Variants in NEK6 observed in about 807,000 individuals in gnomAD.
NEK6 encodes serine/threonine-protein kinase Nek6.
Under a neutral mutation model 43.5 loss-of-function variants are expected in NEK6, and 27 were observed. The observed-to-expected ratio is 0.62, with a 90% confidence interval of 0.46 to 0.86. The LOEUF is 0.86. Ranked by LOEUF, NEK6 falls within the 40% of genes least tolerant of loss-of-function variation. The pLI, the probability that NEK6 is intolerant of heterozygous loss-of-function variation, is 0.00. For synonymous variants in NEK6, 167 were observed against 164.1 expected (o/e 1.02, Z -0.14); for missense variants, 318 against 414.4 (o/e 0.77, Z 2.02).
intron 1 of NEK6, among the ~76,000 whole-genome samples, chr9:124,271,674 C>G (rs937169173): frequency 1.3e-5 from 2 of 152,234 alleles, no homozygotes; most frequent in Non-Finnish European, 2.9e-5. Context: ...TCTTTGCACA[C>G]GAATCCCAGG....
intron 1 of NEK6, among the ~76,000 whole-genome samples, chr9:124,285,924 G>A (rs536548764): frequency 2.8e-4 from 43 of 152,346 alleles, no homozygotes; most frequent in African/African-American, 9.9e-4. Flanking sequence ...CATCACTCAA[G>A]TGCATAGAAC....
chr9:124,308,670 A>C (rs1240092269), intron 2 of NEK6, among the ~76,000 whole-genome samples: 1 of 152,094 alleles, frequency 6.6e-6, no homozygotes, highest in African/African-American at 2.4e-5. Flanking sequence ...AAAAAAAAAA[A>C]AAAAACCAGT....
rs568074849 is a variant in NEK6, at chr9:124,347,857, C to CAGGAGGCCACCG, written c.831+39_831+50dup. ...CAGGAGCCGGAGGCCTCGCCAGCCC[C>CAGGAGGCCACCG]AGGAGGCCACCGAGGCTTATGAGGG... On this transcript the variant is annotated intron_variant, in intron 9 of 9. Coordinates refer to ENST00000320246, the MANE Select transcript of NEK6 (RefSeq NM_014397.6). 3.8e-4 allele frequency: 523 copies of CAGGAGGCCACCG among 1,386,926 alleles called. 6 individuals carry two copies. Among genetic ancestry groups the CAGGAGGCCACCG allele is most frequent in the South Asian group, 3.0e-3 (260 of 85,280 alleles). The allele number at this position is 1,386,926 out of a possible 1,614,324, so 85.9% of individuals were successfully genotyped here.
rs1830235370 is a variant in NEK6 at position 124,350,869 on chromosome 9, T to C, written c.864T>C (p.Pro288=). The change falls in exon 10 of 10, where the codon CCT becomes CCC. Residue 288 remains proline, a synonymous_variant. Transcript: ENST00000320246. ...AACTGGTCAGCATGTGCATCTGCCC[T>C]GACCCCCACCAGAGACCTGACATCG... is the stretch of plus-strand genomic sequence containing the variant. ...LRELVSMCIC[P]DPHQRPDIGY... is the part of the protein sequence containing the mutation. The C allele has an allele frequency of 6.2e-7, 1 of 1,612,822 alleles. No individual in the cohort carries two copies. The highest frequency in any genetic ancestry group is 1.3e-5 in the African/African-American group (1 of 74,946).
intron 1 of NEK6, among the ~76,000 whole-genome samples, chr9:124,259,951 G>T (rs776166378): frequency 6.6e-6 from 1 of 152,188 alleles, no homozygotes; most frequent in African/African-American, 2.4e-5. Flanking sequence ...TTGAACAAGG[G>T]CAGAGGAGGG....
At chr9:124,298,463 C>G (rs1047856455) in intron 1 of NEK6, among the ~76,000 whole-genome samples, 11 of 152,110 alleles carry the variant, frequency 7.2e-5, no homozygotes, top group African/African-American at 2.7e-4. Context: ...CATCAGCTTG[C>G]TGTGGTCAGT....
rs192871901 is a variant in NEK6, at chr9:124,324,381, C to A, written c.406-1949C>A. On this transcript the variant is annotated intron_variant, in intron 5 of 9. Transcript: ENST00000320246. This position sits in a 1 kb window ranked among gnomAD's most constrained non-coding sequence, Gnocchi z 5.3. ...GGATTGTGTCCCGAGAGCCTGCAGC[C>A]TCAAGGGCTGAGCTGCGCCATCACA... 2.4e-3 allele frequency among the ~76,000 whole-genome samples: 367 copies of A among 152,350 alleles called. 1 individual carries two copies. The highest frequency in any genetic ancestry group is 8.8e-3 in the African/African-American group (365 of 41,582).
In NEK6 at chr9:124,312,497, C is replaced by G. The variant is rs769601929; in HGVS notation, c.91-12C>G. ...CTGGCTGCTCACGGAGGCCCTCTGT[C>G]CCCCGTTCCAGAGGCATCCCAACAC... On this transcript the variant is annotated splice_polypyrimidine_tract_variant and intron_variant, in intron 2 of 9. Transcript: ENST00000320246. The G allele has an allele frequency of 5.3e-5, 86 of 1,610,810 alleles. No homozygotes were observed. The Admixed American group carries it at 1.4e-3, about 26-fold the overall frequency.
chr9:124,308,962 C>T (rs931548996), intron 2 of NEK6, among the ~76,000 whole-genome samples: 42 of 152,212 alleles, frequency 2.8e-4, no homozygotes, highest in Admixed American at 1.3e-4. Flanking sequence ...TTGGAGGTGG[C>T]GACGGAGCAG....
At chr9:124,302,104 A>G (rs1422069471) in intron 2 of NEK6, 50 bp downstream of exon 2, 1 of 1,373,772 alleles carries the variant, frequency 7.3e-7, no homozygotes, top group Admixed American at 2.2e-5. Context: ...CCCAAGGAAT[A>G]CGGATCCCTG....
At chr9:124,264,976 A>G (rs372760531) in intron 1 of NEK6, among the ~76,000 whole-genome samples, 1 of 152,174 alleles carries the variant, frequency 6.6e-6, no homozygotes, top group African/African-American at 2.4e-5. Flanking sequence ...GGTTTTGCAT[A>G]GGAGTCATTT....
At chr9:124,349,552 C>A (rs905476381) in intron 9 of NEK6, among the ~76,000 whole-genome samples, 1 of 152,208 alleles carries the variant, frequency 6.6e-6, no homozygotes, top group African/African-American at 2.4e-5. Flanking sequence ...GCCCCCAGCA[C>A]ACCCTATTTT....
At chr9:124,347,198 C>G (rs1171118545) in intron 8 of NEK6, among the ~76,000 whole-genome samples, 1 of 152,214 alleles carries the variant, frequency 6.6e-6, no homozygotes, top group Admixed American at 6.5e-5. Context: ...AGCAGCTCTG[C>G]GAGGGGCTGG....
chr9:124,332,725 GTT>G (rs1160060499), intron 7 of NEK6, among the ~76,000 whole-genome samples: 1 of 152,190 alleles, frequency 6.6e-6, no homozygotes, highest in East Asian at 1.9e-4. Flanking sequence ...ACACGGCAAA[GTT>G]TGTTTTGACA....
At position 124,351,106 on chromosome 9, in the gene NEK6, G is replaced by C. The variant is rs1830254039; in HGVS notation, c.*159G>C. 3.4e-6 allele frequency: 2 copies of C among 586,024 alleles called. No individual in the cohort carries two copies. Among genetic ancestry groups the C allele is most frequent in the East Asian group, 2.9e-5 (1 of 35,018 alleles). The allele number at this position is 586,024 out of a possible 1,614,324, so 36.3% of individuals were successfully genotyped here. A position where few individuals can be genotyped will look rare whatever the true frequency, so the allele number is the denominator to read the frequency against. On this transcript the variant is annotated 3_prime_UTR_variant, in exon 10 of 10. Coordinates refer to ENST00000320246, the MANE Select transcript of NEK6 (RefSeq NM_014397.6). The stretch of plus-strand genomic sequence containing the variant: ...AGCCTTACAGCAGATGCTGAAGGCA[G>C]AGCAGCTGAGGGAGGGGCGCTGGCC...
chr9:124,302,226 G>A (rs558096240), intron 2 of NEK6, among the ~76,000 whole-genome samples, 172 bp downstream of exon 2: 17 of 152,260 alleles, frequency 1.1e-4, no homozygotes, highest in African/African-American at 3.9e-4. Flanking sequence ...TGAGCTCATC[G>A]TTGAATTCAG....
At chr9:124,273,174 G>GTGGA (rs1831516284) in intron 1 of NEK6, among the ~76,000 whole-genome samples, 1 of 152,196 alleles carries the variant, frequency 6.6e-6, no homozygotes, top group Non-Finnish European at 1.5e-5. Context: ...AGATGAGGAA[G>GTGGA]TGGAGGCTCA....
intron 1 of NEK6, among the ~76,000 whole-genome samples, chr9:124,277,526 C>T (rs1035478085): frequency 3.3e-5 from 5 of 152,188 alleles, no homozygotes; most frequent in Non-Finnish European, 7.3e-5. Flanking sequence ...GTTGGGGCAG[C>T]GGAGGGCTCT....
In NEK6 at chr9:124,316,003, C is replaced by T. The variant is rs532807622; in HGVS notation, c.294+2018C>T. Among the ~76,000 whole-genome samples, 33 of 152,336 alleles carry T rather than the reference C, an allele frequency of 2.2e-4. 1 individual carries two copies. The South Asian group carries it at 2.7e-3, about 12-fold the overall frequency. ...CAGCGCTGGTGTGTGGTACGCTCGC[C>T]GCCCAAGGCAGCCCAGTTGTCATGG... On this transcript the variant is annotated intron_variant, in intron 4 of 9. Coordinates refer to ENST00000320246, the MANE Select transcript of NEK6 (RefSeq NM_014397.6).
Sources: gnomAD v4.1 joint callset for allele counts (sites outside exome capture counted in the v4.1 genomes callset) on GRCh38, gnomAD v4.1.1 for gene constraint, Gnocchi (gnomAD v3.1) non-coding constraint, MANE v1.5 for transcripts, NCBI Gene and HGNC (gene_info 2026-07-23, HGNC 2026-07-21) for gene names.